DOCK10: variants seen among roughly 807,000 people sequenced by gnomAD.
DOCK10 encodes the protein dedicator of cytokinesis 10.
Under a neutral mutation model 280.1 loss-of-function variants are expected in DOCK10, and 145 were observed. The ratio of observed to expected loss-of-function variants is 0.52; its 90% CI spans 0.45 to 0.59. DOCK10 has a LOEUF of 0.59. Among genes scored for constraint, DOCK10 ranks in the 20% least tolerant of loss-of-function variants. The probability of loss-of-function intolerance (pLI) is 0.00; values close to 1 mark genes in which losing one functional copy is unlikely to be tolerated. For missense variants in DOCK10, 2,368 were observed against 2,651.7 expected, an observed-to-expected ratio of 0.89 and a Z score of 2.35; for synonymous variants, 915 against 942.2, an observed-to-expected ratio of 0.97 and a Z score of 0.53.
chr2:225,024,542 C>G (rs1301757692), intron 1 of DOCK10, among the ~76,000 whole-genome samples: 1 of 152,000 alleles, frequency 6.6e-6, no homozygotes, highest in Non-Finnish European at 1.5e-5. Context: ...AATTGTTTTA[C>G]AAATATGAAT....
At chr2:224,987,567 G>A (rs1349354633) in intron 1 of DOCK10, among the ~76,000 whole-genome samples, 1 of 152,178 alleles carries the variant, frequency 6.6e-6, no homozygotes, top group East Asian at 1.9e-4. Context: ...TGGGGATGGG[G>A]TGTATATCTA....
At position 224,786,133 on chromosome 2, in the gene DOCK10, C is replaced by T. The variant is rs370915953; in HGVS notation, c.5655+889G>A. 1.1e-4 allele frequency among the ~76,000 whole-genome samples: 16 copies of T among 152,210 alleles called. No homozygotes were observed. The East Asian group carries it at 1.6e-3, about 15-fold the overall frequency. On this transcript the variant is annotated intron_variant, in intron 50 of 55. Coordinates refer to ENST00000258390, the MANE Select transcript of DOCK10 (RefSeq NM_014689.3). This position sits in a 1 kb window ranked among gnomAD's most constrained non-coding sequence, Gnocchi z 4.7. ...ATTGCTTGAACCGGGACCCAGGAGG[C>T]GGAGGTTGCAGTGAGCCGAGATCAC...
chr2:225,000,225 G>GAC lies in DOCK10; in HGVS notation c.123+42025_123+42026dup, dbSNP rs10531607. Among the ~76,000 whole-genome samples the GAC allele has an allele frequency of 4.3e-3, 623 of 144,646 alleles. 7 individuals carry two copies. The highest frequency in any genetic ancestry group is 0.016 in the African/African-American group (555 of 35,548). The allele number at this position is 144,646 out of a possible 152,430, so 94.9% of individuals were successfully genotyped here. On this transcript the variant is annotated intron_variant, in intron 1 of 55. Coordinates refer to ENST00000258390, the MANE Select transcript of DOCK10 (RefSeq NM_014689.3). ...ACACAGACACACACACACACACACA[G>GAC]ACACACACACACACACACATGCAAT...
rs998007716 is a variant in DOCK10 at position 224,874,822 on chromosome 2, T to C, written c.932-71A>G. 1.6e-5 allele frequency: 22 copies of C among 1,389,622 alleles called. No individual in the cohort carries two copies. In the South Asian group the frequency reaches 2.4e-4, roughly 15 times the overall value. 86.1% of individuals were successfully genotyped at this position (1,389,622 alleles called of 1,614,324 possible). A position where few individuals can be genotyped will look rare whatever the true frequency, so the allele number is the denominator to read the frequency against. ...TCACACATTCTTCTAGCCTGTGACA[T>C]GCAAAACTAAGTTAGGCTTAAGAGC... On this transcript the variant is annotated intron_variant, in intron 8 of 55. Coordinates refer to ENST00000258390, the MANE Select transcript of DOCK10 (RefSeq NM_014689.3).
At chr2:224,766,834 T>A (rs75278847) in intron 55 of DOCK10, among the ~76,000 whole-genome samples, 1 of 152,330 alleles carries the variant, frequency 6.6e-6, no homozygotes, top group Non-Finnish European at 1.5e-5. Context: ...CAGTATGGAA[T>A]TTTGGCACCT....
At chr2:224,827,912 G>A (rs539222165) in intron 27 of DOCK10, among the ~76,000 whole-genome samples, 77 of 152,306 alleles carry the variant, frequency 5.1e-4, no homozygotes, top group African/African-American at 1.9e-3. Context: ...GCATGGATGA[G>A]GACCTCTGGA....
chr2:224,903,699 T>C (rs1296728682), intron 3 of DOCK10, among the ~76,000 whole-genome samples: 1 of 152,082 alleles, frequency 6.6e-6, no homozygotes, highest in African/African-American at 2.4e-5. Flanking sequence ...AAATTTTAGG[T>C]TCAAACTTAA....
chr2:224,796,641 G>T (rs1692598046), intron 43 of DOCK10, among the ~76,000 whole-genome samples: 1 of 152,094 alleles, frequency 6.6e-6, no homozygotes, highest in South Asian at 2.1e-4. Context: ...TGGAATCTTG[G>T]GATGCCTAGA....
chr2:224,946,232 A>C (rs1292108828), intron 1 of DOCK10, among the ~76,000 whole-genome samples: 1 of 152,230 alleles, frequency 6.6e-6, no homozygotes, highest in African/African-American at 2.4e-5. Flanking sequence ...ACAGGTTTTC[A>C]AGCTCTCATT....
chr2:224,985,050 CT>C (rs1705932760), intron 1 of DOCK10, among the ~76,000 whole-genome samples: 2 of 152,010 alleles, frequency 1.3e-5, no homozygotes, highest in Admixed American at 1.3e-4. Flanking sequence ...GGTATAAACT[CT>C]TCAGCAGGTG....
At chr2:224,898,328 A>G (rs1700100862) in intron 3 of DOCK10, among the ~76,000 whole-genome samples, 2 of 152,220 alleles carry the variant, frequency 1.3e-5, no homozygotes, top group Non-Finnish European at 2.9e-5. Context: ...TGAGGACAAA[A>G]CAAGGAGTGA....
intron 4 of DOCK10, among the ~76,000 whole-genome samples, chr2:224,888,861 A>C (rs1337553616): frequency 6.6e-6 from 1 of 151,872 alleles, no homozygotes; most frequent in Non-Finnish European, 1.5e-5. Flanking sequence ...TTTGTGTGTG[A>C]CTACATATGT....
chr2:224,853,979 T>C (rs1696929536), intron 16 of DOCK10, among the ~76,000 whole-genome samples: 1 of 152,244 alleles, frequency 6.6e-6, no homozygotes, highest in Non-Finnish European at 1.5e-5. Context: ...GTGCCTCATT[T>C]GTCGTGTTTC....
intron 1 of DOCK10, among the ~76,000 whole-genome samples, chr2:224,932,758 C>T (rs1702466818): frequency 1.3e-5 from 2 of 152,168 alleles, no homozygotes; most frequent in South Asian, 4.1e-4. Context: ...CCTCATTCTG[C>T]AAAGTACACA....
At chr2:224,873,156 C>T (rs1698397188) in intron 11 of DOCK10, among the ~76,000 whole-genome samples, 1 of 152,162 alleles carries the variant, frequency 6.6e-6, no homozygotes, top group African/African-American at 2.4e-5. Flanking sequence ...TATTACTTTA[C>T]TTGATACACT....
intron 1 of DOCK10, among the ~76,000 whole-genome samples, chr2:224,967,296 G>A (rs1376258142): frequency 6.6e-6 from 1 of 152,008 alleles, no homozygotes; most frequent in Admixed American, 6.5e-5. Context: ...TAGTCAGGAT[G>A]GTCTTTATCT....
chr2:224,807,514 C>A, intron 33 of DOCK10, 154 bp downstream of exon 33: 1 of 569,962 alleles, frequency 1.8e-6, no homozygotes, highest in East Asian at 2.8e-5. Context: ...CTATCTGGAA[C>A]AAATGACACA....
intron 1 of DOCK10, among the ~76,000 whole-genome samples, chr2:225,017,133 G>A (rs1450721926): frequency 7.0e-6 from 1 of 143,222 alleles, no homozygotes; most frequent in Non-Finnish European, 1.5e-5. Context: ...AAACTTTTGA[G>A]AGGATTTCCT....
chr2:224,796,905 A>G (rs758316157), intron 43 of DOCK10, 59 bp downstream of exon 43: 59 of 1,505,512 alleles, frequency 3.9e-5, no homozygotes, highest in Non-Finnish European at 4.3e-5. Flanking sequence ...GGCTTTAAGC[A>G]CTGCTGAAAC....
Sources: gnomAD v4.1 joint callset for allele counts (sites outside exome capture counted in the v4.1 genomes callset) on GRCh38, gnomAD v4.1.1 for gene constraint, Gnocchi (gnomAD v3.1) non-coding constraint, MANE v1.5 for transcripts, NCBI Gene and HGNC (gene_info 2026-07-23, HGNC 2026-07-21) for gene names.